The following CDK15 variants were observed in gnomAD, a reference collection of about 807,000 sequenced individuals.
CDK15 encodes the protein cyclin-dependent kinase 15.
Under a neutral mutation model 60.3 loss-of-function variants are expected in CDK15, and 62 were observed. That is an observed-to-expected ratio of 1.03 (90% CI 0.84 to 1.27). CDK15 has a LOEUF of 1.27. CDK15 is among the 50% of genes most tolerant of loss of function. The pLI, the probability that CDK15 is intolerant of heterozygous loss-of-function variation, is 0.00. For synonymous variants in CDK15, 194 were observed against 195.7 expected (o/e 0.99, Z 0.07); for missense variants, 541 against 527.8 (o/e 1.03, Z -0.25).
chr2:201,839,638 A>G lies in CDK15; in HGVS notation c.851+3875A>G, dbSNP rs1302899209. 2.0e-5 allele frequency among the ~76,000 whole-genome samples: 3 copies of G among 151,624 alleles called. No individual in the cohort carries two copies. In the Admixed American group the frequency reaches 2.0e-4, roughly 10 times the overall value. ...TGAAGAGTCATGATATCTACAATTTACTCCCTAATGTTTCAGAAAAGATAT... is the reference window on the plus strand; with the variant it reads ...TGAAGAGTCATGATATCTACAATTTGCTCCCTAATGTTTCAGAAAAGATAT... On this transcript the variant is annotated intron_variant, in intron 8 of 13. Coordinates refer to ENST00000652192, the MANE Select transcript of CDK15 (RefSeq NM_001366386.2).
Position 201,807,617 on chromosome 2 carries a change from G to T in CDK15, c.247G>T (p.Glu83Ter). Residue 83 changes from glutamate to a stop codon, truncating the protein, a stop_gained, in exon 2 of 14, where the codon GAG becomes TAG. Transcript: ENST00000652192. LOFTEE classifies it high-confidence loss of function. ...PRSNSDCFQE[E>*]DLRQGFQWRK... ...GAGTAACAGTGATTGTTTTCAGGAA[G>T]AGGATCTGAGGCAGGGTTTTCAGTG... is the stretch of plus-strand genomic sequence containing the variant. 2 of 1,614,210 alleles carry T rather than the reference G, an allele frequency of 1.2e-6. No individual in the cohort carries two copies. Among genetic ancestry groups the T allele is most frequent in the Non-Finnish European group, 1.7e-6 (2 of 1,180,034 alleles).
intron 12 of CDK15, chr2:201,888,311 C>T: frequency 1.6e-6 from 2 of 1,275,518 alleles, no homozygotes; most frequent in Non-Finnish European, 2.1e-6. Context: ...ACTAAAAAGA[C>T]AACTATCTCA....
chr2:201,862,176 T>G (rs1698430904), intron 10 of CDK15, among the ~76,000 whole-genome samples: 1 of 152,220 alleles, frequency 6.6e-6, no homozygotes, highest in Non-Finnish European at 1.5e-5. Context: ...TGCAGTAATA[T>G]GTCTGCCCAC....
At chr2:201,828,584 C>T (rs769502948) in intron 6 of CDK15, among the ~76,000 whole-genome samples, 1 of 152,032 alleles carries the variant, frequency 6.6e-6, no homozygotes, top group African/African-American at 2.4e-5. Context: ...GAGGGACACA[C>T]TAATAAATAA....
At chr2:201,844,145 G>A (rs1294052408) in intron 8 of CDK15, among the ~76,000 whole-genome samples, 1 of 152,110 alleles carries the variant, frequency 6.6e-6, no homozygotes, top group Non-Finnish European at 1.5e-5. Context: ...CTGGATAGAG[G>A]GTTAGTTCAT....
At chr2:201,872,916 C>T (rs1297913737) in intron 11 of CDK15, among the ~76,000 whole-genome samples, 3 of 152,134 alleles carry the variant, frequency 2.0e-5, no homozygotes, top group Non-Finnish European at 4.4e-5. Flanking sequence ...ATTATTTGAT[C>T]TGAGAGTAAT....
chr2:201,882,808 C>A lies in CDK15; in HGVS notation c.1198+2641C>A, dbSNP rs1460569956. Among the ~76,000 whole-genome samples, 1 of 152,186 alleles carries A rather than the reference C, an allele frequency of 6.6e-6. No individual in the cohort carries two copies. The highest frequency in any genetic ancestry group is 2.4e-5 in the African/African-American group (1 of 41,438). Reference sequence around the variant, plus strand: ...AGAAAAATAGAGGAAGAGACAGAAGCAGCCAGGGCTGGTTTGTGCACCTTC... The same window carrying A: ...AGAAAAATAGAGGAAGAGACAGAAGAAGCCAGGGCTGGTTTGTGCACCTTC... On this transcript the variant is annotated intron_variant, in intron 12 of 13. Transcript: ENST00000652192. This position sits in a 1 kb window ranked among gnomAD's most constrained non-coding sequence, Gnocchi z 4.0.
At chr2:201,834,504 C>T (rs529266386) in intron 7 of CDK15, among the ~76,000 whole-genome samples, 11 of 152,276 alleles carry the variant, frequency 7.2e-5, no homozygotes, top group African/African-American at 2.6e-4. Flanking sequence ...TAGCACTTAT[C>T]GCAGTTTATA....
intron 11 of CDK15, among the ~76,000 whole-genome samples, chr2:201,872,992 G>A (rs1228690195): frequency 2.6e-5 from 4 of 152,162 alleles, no homozygotes; most frequent in Non-Finnish European, 5.9e-5. Context: ...AAACATCAGA[G>A]ACAGGGGAAA....
In CDK15 at chr2:201,851,291, C is replaced by CAAA. The variant is rs1176883047; in HGVS notation, c.946-3559_946-3557dup. ...TGAGCAACAGAGTGAGACTTCATCTCAAAAAAAAAAAAAAAAAAAAAAAAA... is the reference window on the plus strand; with the variant it reads ...TGAGCAACAGAGTGAGACTTCATCTCAAAAAAAAAAAAAAAAAAAAAAAAAAAA... On this transcript the variant is annotated intron_variant, in intron 9 of 13. Transcript: ENST00000652192. Among the ~76,000 whole-genome samples the CAAA allele has an allele frequency of 1.9e-3, 52 of 27,754 alleles. 4 individuals carry two copies. Among genetic ancestry groups the CAAA allele is most frequent in the African/African-American group, 7.1e-3 (40 of 5,640 alleles). 18.2% of individuals were successfully genotyped at this position (27,754 alleles called of 152,430 possible).
chr2:201,845,252 T>G (rs150961653), intron 8 of CDK15, among the ~76,000 whole-genome samples: 1,667 of 152,180 alleles, frequency 0.011, 13 homozygotes, highest in Middle Eastern at 0.017. Context: ...TAAACAAAAC[T>G]CTAAGAACAA....
At chr2:201,885,915 G>T (rs1187064241) in intron 12 of CDK15, among the ~76,000 whole-genome samples, 1 of 152,174 alleles carries the variant, frequency 6.6e-6, no homozygotes, top group African/African-American at 2.4e-5. Context: ...TAGACAGCTG[G>T]AAGTCAGGTA....
chr2:201,827,173 T>G (rs1696545816), intron 6 of CDK15, among the ~76,000 whole-genome samples: 1 of 152,154 alleles, frequency 6.6e-6, no homozygotes, highest in Non-Finnish European at 1.5e-5. Context: ...AGGCAGGGTA[T>G]GGTGGCTCAC....
chr2:201,890,752 C>T (rs1042590308), intron 12 of CDK15, 33 bp from the exon 13 acceptor site: 1 of 1,496,816 alleles, frequency 6.7e-7, no homozygotes, highest in Non-Finnish European at 9.2e-7. Flanking sequence ...CAGGAAATAA[C>T]ATATTGGTGC....
chr2:201,806,618 TG>T lies in CDK15; in HGVS notation c.-42del. 1.3e-6 allele frequency: 2 copies of T among 1,522,582 alleles called. No individual in the cohort carries two copies. The highest frequency in any genetic ancestry group is 1.2e-5 in the South Asian group (1 of 82,278). The allele number at this position is 1,522,582 out of a possible 1,614,324, so 94.3% of individuals were successfully genotyped here. ...GAGAGAACAAGGATAGGAGAGGCAG[TG>T]GGGGAAAGGTTCAAGTGCGGGTTTT... On this transcript the variant is annotated 5_prime_UTR_variant, in exon 1 of 14. Coordinates refer to ENST00000652192, the MANE Select transcript of CDK15 (RefSeq NM_001366386.2).
intron 1 of CDK15, among the ~76,000 whole-genome samples, chr2:201,807,271 T>G (rs1389021699): frequency 6.6e-6 from 1 of 152,174 alleles, no homozygotes; most frequent in African/African-American, 2.4e-5. Flanking sequence ...AACCTGAATG[T>G]TAAAGACACA....
chr2:201,881,901 G>GCACACACACACA (rs113030228), intron 12 of CDK15, among the ~76,000 whole-genome samples: 2 of 150,910 alleles, frequency 1.3e-5, no homozygotes, highest in Non-Finnish European at 3.0e-5. Context: ...ACATACACAC[G>GCACACACACACA]CACACACACA....
chr2:201,810,258 C>T (rs1300607897), intron 3 of CDK15, among the ~76,000 whole-genome samples: 1 of 151,468 alleles, frequency 6.6e-6, no homozygotes, highest in Non-Finnish European at 1.5e-5. Context: ...GTGGGCAAAT[C>T]GGCAAATCAC....
intron 13 of CDK15, among the ~76,000 whole-genome samples, chr2:201,892,821 C>A (rs1213385034): frequency 6.6e-6 from 1 of 152,194 alleles, no homozygotes; most frequent in Non-Finnish European, 1.5e-5. Flanking sequence ...ATTCACTTTT[C>A]AGGAGAGTCA....
Sources: allele counts gnomAD v4.1 joint callset (sites outside exome capture counted in the v4.1 genomes callset), GRCh38; gene constraint gnomAD v4.1.1; non-coding constraint Gnocchi (gnomAD v3.1); transcripts MANE v1.5; gene names NCBI Gene and HGNC (gene_info 2026-07-23, HGNC 2026-07-21).